EPHB6: variants seen among roughly 807,000 people sequenced by gnomAD.
The protein encoded by EPHB6 is EPH receptor B6.
A neutral mutation model predicts 107.0 loss-of-function variants in EPHB6; 51 were observed. That is an observed-to-expected ratio of 0.48 (90% CI 0.38 to 0.60). EPHB6 has a LOEUF of 0.60. Among genes scored for constraint, EPHB6 ranks in the 20% least tolerant of loss-of-function variants. The pLI, the probability that EPHB6 is intolerant of heterozygous loss-of-function variation, is 0.00. For missense variants in EPHB6, 1,141 were observed against 1,355.5 expected, an observed-to-expected ratio of 0.84 and a Z score of 2.48; for synonymous variants, 553 against 549.0, an observed-to-expected ratio of 1.01 and a Z score of -0.10.
intron 1 of EPHB6, among the ~76,000 whole-genome samples, chr7:142,856,135 C>G (rs990587767): frequency 1.3e-5 from 2 of 152,208 alleles, no homozygotes; most frequent in Non-Finnish European, 2.9e-5. Context: ...GCTGCTGGGT[C>G]TGTTCCCAGT....
chr7:142,870,773 T>A (rs1208728303), intron 19 of EPHB6, 23 bp from the exon 20 acceptor site: 2 of 1,614,028 alleles, frequency 1.2e-6, no homozygotes, highest in Non-Finnish European at 8.5e-7. Context: ...TGGCCCAGAT[T>A]TGATCCCTTC....
Position 142,864,495 on chromosome 7 carries a change from C to T in EPHB6, c.695C>T (p.Thr232Ile), listed in dbSNP as rs1803036599. 7 of 1,613,372 alleles carry T rather than the reference C, an allele frequency of 4.3e-6. No individual in the cohort carries two copies. The highest frequency in any genetic ancestry group is 2.2e-5 in the East Asian group (1 of 44,876). Reference protein sequence around the residue: ...ALVAVRLFSYTCPAVLRSFAS... With the variant: ...ALVAVRLFSYICPAVLRSFAS... The stretch of plus-strand genomic sequence containing the variant: ...GTCGCTGTCAGGCTCTTCTCCTACA[C>T]CTGCCCTGCCGTGCTCCGATCCTTT... Residue 232 changes from threonine to isoleucine, a missense_variant, in exon 7 of 20, where the codon ACC becomes ATC. Thr to Ile is a moderately conservative substitution (Grantham distance 89, BLOSUM62 -1). This residue lies in a region of EPHB6 where 304 missense variants were observed against 295.7 expected (regional missense o/e 1.03). Transcript: ENST00000652003.
chr7:142,861,138 A>G lies in EPHB6; in HGVS notation c.-345A>G, dbSNP rs1265759547. On this transcript the variant is annotated 5_prime_UTR_variant, in exon 2 of 20. Coordinates refer to ENST00000652003, the MANE Select transcript of EPHB6 (RefSeq NM_004445.6). ...TAGAGAACCGCCAATCTCTAAATCA[A>G]CAAGCAAAGGAGGTGCCAAGCCTGT... is the stretch of plus-strand genomic sequence containing the variant. 2 of 152,180 alleles carry G rather than the reference A, an allele frequency of 1.3e-5. No homozygotes were observed. Among genetic ancestry groups the G allele is most frequent in the African/African-American group, 4.8e-5 (2 of 41,448 alleles). 9.4% of individuals were successfully genotyped at this position (152,180 alleles called of 1,614,324 possible). A position where few individuals can be genotyped will look rare whatever the true frequency, so the allele number is the denominator to read the frequency against.
At chr7:142,862,414 A>C (rs8177133) in intron 3 of EPHB6, among the ~76,000 whole-genome samples, 1,754 of 152,326 alleles carry the variant, frequency 0.012, 30 homozygotes, top group African/African-American at 0.04. Context: ...TGTAAGCTCT[A>C]GGAAAACATG....
Position 142,867,854 on chromosome 7 carries a change from G to A in EPHB6, c.1865+132G>A. On this transcript the variant is annotated intron_variant, in intron 12 of 19. Coordinates refer to ENST00000652003, the MANE Select transcript of EPHB6 (RefSeq NM_004445.6). The surrounding 1 kb of genome is among the most constrained non-coding windows in gnomAD (Gnocchi z 5.3). ...CCTCCCGTCAGCCAGCCCCTGCCCT[G>A]GGCCCCACGTGGAGATGGGCAGGAG... 2 of 1,438,626 alleles carry A rather than the reference G, an allele frequency of 1.4e-6. No individual in the cohort carries two copies. The highest frequency in any genetic ancestry group is 1.9e-6 in the Non-Finnish European group (2 of 1,047,204). The allele number at this position is 1,438,626 out of a possible 1,614,324, so 89.1% of individuals were successfully genotyped here. A position where few individuals can be genotyped will look rare whatever the true frequency, so the allele number is the denominator to read the frequency against.
Position 142,864,455 on chromosome 7 carries a change from G to A in EPHB6, c.655G>A (p.Ala219Thr), listed in dbSNP as rs752646274. The A allele has an allele frequency of 6.2e-7, 1 of 1,612,832 alleles. No homozygotes were observed. The change falls in exon 7 of 20, where the codon GCC (alanine) becomes ACC (threonine). Residue 219 changes from alanine (A) to threonine (T), a missense_variant. Coordinates refer to ENST00000652003, the MANE Select transcript of EPHB6 (RefSeq NM_004445.6). ...GFYVAFQDTGACLALVAVRLF... is the reference protein window; with the variant it reads ...GFYVAFQDTGTCLALVAVRLF... ...CTACGTGGCCTTCCAGGACACGGGG[G>A]CCTGCCTGGCCCTGGTCGCTGTCAG...
At position 142,866,655 on chromosome 7, in the gene EPHB6, G is replaced by A. The variant is rs756179522; in HGVS notation, c.1587+50G>A. ...GCAGTAGGGCTGGTAGGAGCTCATA[G>A]GCCTCACAGTGGGGCCCAGAGGTGA... On this transcript the variant is annotated intron_variant, in intron 10 of 19. Coordinates refer to ENST00000652003, the MANE Select transcript of EPHB6 (RefSeq NM_004445.6). This position sits in a 1 kb window ranked among gnomAD's most constrained non-coding sequence, Gnocchi z 5.2. 2 of 1,613,152 alleles carry A rather than the reference G, an allele frequency of 1.2e-6. No homozygotes were observed. Among genetic ancestry groups the A allele is most frequent in the South Asian group, 2.2e-5 (2 of 91,062 alleles).
At position 142,863,633 on chromosome 7, in the gene EPHB6, G is replaced by A. The variant is rs1400013333; in HGVS notation, c.103G>A (p.Val35Ile). ...LVSSVLALEEVLLDTTGETSE... is the reference protein window; with the variant it reads ...LVSSVLALEEILLDTTGETSE... Reference sequence around the variant, plus strand: ...GTGCCCCTCTTATTTCTGGGCAGAGGTATTGCTGGACACCACCGGAGAGAC... The same window carrying A: ...GTGCCCCTCTTATTTCTGGGCAGAGATATTGCTGGACACCACCGGAGAGAC... The change falls in exon 6 of 20, where the codon GTA becomes ATA. Residue 35 changes from valine (V) to isoleucine (I), a missense_variant and splice_region_variant. By Grantham distance (29) the Val-to-Ile change is conservative. Coordinates refer to ENST00000652003, the MANE Select transcript of EPHB6 (RefSeq NM_004445.6). The A allele has an allele frequency of 1.2e-6, 2 of 1,613,784 alleles. No individual in the cohort carries two copies. The highest frequency in any genetic ancestry group is 4.5e-5 in the East Asian group (2 of 44,846).
Position 142,866,424 on chromosome 7 carries a change from G to A in EPHB6, c.1463-57G>A, listed in dbSNP as rs566978412. 2.6e-5 allele frequency: 42 copies of A among 1,612,954 alleles called. No individual in the cohort carries two copies. The East Asian group carries it at 8.9e-4, about 34-fold the overall frequency. On this transcript the variant is annotated intron_variant, in intron 9 of 19. Transcript: ENST00000652003. The surrounding 1 kb of genome is among the most constrained non-coding windows in gnomAD (Gnocchi z 5.2). ...CCACCCCTGCCGCCCTCCCCTCAAG[G>A]CTGATCCTGCTCCCAGGGACTCCTA...
intron 1 of EPHB6, among the ~76,000 whole-genome samples, chr7:142,860,821 G>A (rs568298937): frequency 1.7e-4 from 26 of 152,154 alleles, no homozygotes; most frequent in African/African-American, 5.5e-4. Context: ...AGCACAGCCC[G>A]CAGTGCCAGA....
In EPHB6 at chr7:142,869,881, C is replaced by T. The variant is rs1794814718; in HGVS notation, c.2525C>T (p.Ser842Phe). Reference sequence around the variant, plus strand: ...ATTGCACATGGAAAGCATACAACATCCAGTGATGTCTGGAGCTTTGGGATA... The same window carrying T: ...ATTGCACATGGAAAGCATACAACATTCAGTGATGTCTGGAGCTTTGGGATA... The part of the protein sequence containing the change: ...EVIAHGKHTT[S>F]SDVWSFGILM... The change falls in exon 17 of 20, where the codon TCC becomes TTC. Residue 842 changes from serine (S) to phenylalanine (F), a missense_variant. Around this residue, in one of 3 missense-constraint regions of EPHB6, gnomAD observed 616 missense variants for 759.3 expected, o/e 0.81. Transcript: ENST00000652003. The surrounding 1 kb of genome is among the most constrained non-coding windows in gnomAD (Gnocchi z 4.5). 1 of 1,614,094 alleles carries T rather than the reference C, an allele frequency of 6.2e-7. No homozygotes were observed. Among genetic ancestry groups the T allele is most frequent in the Non-Finnish European group, 8.5e-7 (1 of 1,180,052 alleles).
rs1384517017 is a variant in EPHB6, at chr7:142,870,610, G to C, written c.2885G>C (p.Gly962Ala). The C allele has an allele frequency of 2.5e-6, 4 of 1,614,136 alleles. No individual in the cohort carries two copies. The African/African-American group carries it at 4.0e-5, about 16-fold the overall frequency. Reference sequence around the variant, plus strand: ...CCCCAGGCCTGGCTTTCAGCCATTGGACTGGAGTGCTACCAGGACAACTTC... The same window carrying C: ...CCCCAGGCCTGGCTTTCAGCCATTGCACTGGAGTGCTACCAGGACAACTTC... ...DSPQAWLSAI[G>A]LECYQDNFSK... is the part of the protein sequence containing the mutation. The change falls in exon 19 of 20, where the codon GGA becomes GCA. Residue 962 changes from glycine (G) to alanine (A), a missense_variant. Gly to Ala is a moderately conservative substitution (Grantham distance 60). Around this residue, in one of 3 missense-constraint regions of EPHB6, gnomAD observed 616 missense variants for 759.3 expected, o/e 0.81. Transcript: ENST00000652003.
chr7:142,869,120 G>A lies in EPHB6; in HGVS notation c.2433G>A (p.Lys811=). The change falls in exon 16 of 20, where the codon AAG becomes AAA. Residue 811 remains lysine, a synonymous_variant. Coordinates refer to ENST00000652003, the MANE Select transcript of EPHB6 (RefSeq NM_004445.6). The surrounding 1 kb of genome is among the most constrained non-coding windows in gnomAD (Gnocchi z 4.5). The part of the protein sequence containing the change: ...SVLVNSHLVC[K]VARLGHSPQG... ...TGGTGAATAGCCACTTGGTGTGCAA[G>A]GTGGCCCGTCTTGGCCACAGTCCTC... 6.2e-7 allele frequency: 1 copy of A among 1,613,626 alleles called. No homozygotes were observed. The highest frequency in any genetic ancestry group is 8.5e-7 in the Non-Finnish European group (1 of 1,179,944).
Position 142,867,511 on chromosome 7 carries a change from G to A in EPHB6, c.1751-97G>A. 7 of 1,023,990 alleles carry A rather than the reference G, an allele frequency of 6.8e-6. No individual in the cohort carries two copies. Among genetic ancestry groups the A allele is most frequent in the Non-Finnish European group, 8.9e-6 (6 of 671,894 alleles). 63.4% of individuals were successfully genotyped at this position (1,023,990 alleles called of 1,614,324 possible). A position where few individuals can be genotyped will look rare whatever the true frequency, so the allele number is the denominator to read the frequency against. On this transcript the variant is annotated intron_variant, in intron 11 of 19. Transcript: ENST00000652003. This position sits in a 1 kb window ranked among gnomAD's most constrained non-coding sequence, Gnocchi z 5.3. ...GGAGGTTTGGGGCATGCGCGTGCAT[G>A]TTGTGTGTGCCTGTGGTGTGTGTGG...
rs752193514 is a variant in EPHB6, at chr7:142,868,963, C to G, written c.2287-11C>G. ...GATCACTGACCTCTGCCCCCTGCCCCTTCCCCTCAGCAGCGGGAGGGCCAG... is the reference window on the plus strand; with the variant it reads ...GATCACTGACCTCTGCCCCCTGCCCGTTCCCCTCAGCAGCGGGAGGGCCAG... On this transcript the variant is annotated splice_polypyrimidine_tract_variant and intron_variant, in intron 15 of 19. Transcript: ENST00000652003. The surrounding 1 kb of genome is among the most constrained non-coding windows in gnomAD (Gnocchi z 4.2). The G allele has an allele frequency of 6.2e-7, 1 of 1,606,340 alleles. No individual in the cohort carries two copies. The highest frequency in any genetic ancestry group is 8.5e-7 in the Non-Finnish European group (1 of 1,179,582).
In EPHB6 at chr7:142,870,561, C is replaced by G. The variant is rs1412620546; in HGVS notation, c.2836C>G (p.Leu946Val). 6.2e-7 allele frequency: 1 copy of G among 1,614,262 alleles called. No homozygotes were observed. Among genetic ancestry groups the G allele is most frequent in the African/African-American group, 1.3e-5 (1 of 75,070 alleles). ...PSQALLTPVA[L>V]DFPCLDSPQA... ...CCAGGCCCTTCTGACCCCTGTGGCC[C>G]TGGACTTTCCTTGTCTGGACTCACC... The change falls in exon 19 of 20, where the codon CTG becomes GTG. Residue 946 changes from leucine to valine, a missense_variant. Leu to Val is a conservative substitution (Grantham distance 32). Around this residue, in one of 3 missense-constraint regions of EPHB6, gnomAD observed 616 missense variants for 759.3 expected, o/e 0.81. Transcript: ENST00000652003.
chr7:142,868,933 T>C lies in EPHB6; in HGVS notation c.2287-41T>C. On this transcript the variant is annotated intron_variant, in intron 15 of 19. Transcript: ENST00000652003. This position sits in a 1 kb window ranked among gnomAD's most constrained non-coding sequence, Gnocchi z 4.2. ...TGCAGTATGTTGAGGTCTCCCCCTG[T>C]CTCCGATCACTGACCTCTGCCCCCT... 1 of 1,600,072 alleles carries C rather than the reference T, an allele frequency of 6.2e-7. No homozygotes were observed. The highest frequency in any genetic ancestry group is 8.5e-7 in the Non-Finnish European group (1 of 1,177,632).
At position 142,864,211 on chromosome 7, in the gene EPHB6, G is replaced by T. The variant is rs755315060; in HGVS notation, c.411G>T (p.Glu137Asp). 6.2e-7 allele frequency: 1 copy of T among 1,613,886 alleles called. No individual in the cohort carries two copies. Among genetic ancestry groups the T allele is most frequent in the Non-Finnish European group, 8.5e-7 (1 of 1,180,038 alleles). The change falls in exon 7 of 20, where the codon GAG (glutamate) becomes GAT (aspartate). Residue 137 changes from glutamate (E) to aspartate (D), a missense_variant. Coordinates refer to ENST00000652003, the MANE Select transcript of EPHB6 (RefSeq NM_004445.6). ...TFTLYYRQAE[E>D]PDSPDSVSSW... ...CCCTTTACTACCGTCAGGCTGAGGA[G>T]CCCGACAGCCCTGACAGCGTTTCCT... is the stretch of plus-strand genomic sequence containing the variant.
In EPHB6 at chr7:142,868,906, T is replaced by A. The variant is rs8177176; in HGVS notation, c.2287-68T>A. ...CTCCCGCTCTCATGCTGTTGTCTGC[T>A]ATGCAGTATGTTGAGGTCTCCCCCT... On this transcript the variant is annotated intron_variant, in intron 15 of 19. Transcript: ENST00000652003. This position sits in a 1 kb window ranked among gnomAD's most constrained non-coding sequence, Gnocchi z 4.2. 68,873 of 1,551,742 alleles carry A rather than the reference T, an allele frequency of 0.044. 1,765 individuals carry two copies. Among genetic ancestry groups the A allele is most frequent in the Non-Finnish European group, 0.051 (58,365 of 1,152,100 alleles).
Sources: gnomAD v4.1 joint callset for allele counts (sites outside exome capture counted in the v4.1 genomes callset) on GRCh38, gnomAD v4.1.1 for gene constraint, gnomAD v4.1.1 regional missense constraint, Gnocchi (gnomAD v3.1) non-coding constraint, MANE v1.5 for transcripts, NCBI Gene and HGNC (gene_info 2026-07-23, HGNC 2026-07-21) for gene names.